Variants in PIGU observed in about 807,000 individuals in gnomAD.
The protein encoded by PIGU is GPI-anchor transamidase component PIGU.
In PIGU, 24 loss-of-function variants were observed where a neutral mutation model predicts 49.9. The ratio of observed to expected loss-of-function variants is 0.48; its 90% CI spans 0.35 to 0.68. The LOEUF (loss-of-function observed/expected upper bound fraction) is 0.68. PIGU is among the 30% of genes least tolerant of loss of function. The pLI is 0.01. For missense variants in PIGU, 490 were observed against 532.6 expected, an observed-to-expected ratio of 0.92 and a Z score of 0.79; for synonymous variants, 220 against 205.7, an observed-to-expected ratio of 1.07 and a Z score of -0.59.
At chr20:34,633,506 T>C (rs1985858204) in intron 6 of PIGU, among the ~76,000 whole-genome samples, 1 of 150,440 alleles carries the variant, frequency 6.6e-6, no homozygotes. Context: ...CAAGAAACCA[T>C]GGTGTAACTA....
chr20:34,663,523 T>A (rs6059971), intron 1 of PIGU, among the ~76,000 whole-genome samples: 8 of 152,154 alleles, frequency 5.3e-5, no homozygotes, highest in African/African-American at 1.7e-4. Flanking sequence ...GACCACTACA[T>A]ATTTGTAAGG....
chr20:34,578,585 C>T (rs190614331), intron 10 of PIGU, among the ~76,000 whole-genome samples: 149 of 152,312 alleles, frequency 9.8e-4, no homozygotes, highest in African/African-American at 3.0e-3. Context: ...TGCAAAGAGA[C>T]GAGAGAAGCT....
Position 34,581,659 on chromosome 20 carries a change from A to T in PIGU, c.940T>A (p.Phe314Ile), listed in dbSNP as rs772082138. 1 of 1,612,878 alleles carries T rather than the reference A, an allele frequency of 6.2e-7. No homozygotes were observed. ...ACAGCGATCTGGATAAACATGAAGAAGATGGGGTGCTCCCTGGGGCAGGGC... is the reference window on the plus strand; with the variant it reads ...ACAGCGATCTGGATAAACATGAAGATGATGGGGTGCTCCCTGGGGCAGGGC... ...LAIKLKEHPI[F>I]FMFIQIAVIA... The change falls in exon 10 of 12, where the codon TTC (phenylalanine) becomes ATC (isoleucine). Residue 314 changes from phenylalanine (F) to isoleucine (I), a missense_variant. Coordinates refer to ENST00000217446, the MANE Select transcript of PIGU (RefSeq NM_080476.5).
intron 6 of PIGU, among the ~76,000 whole-genome samples, chr20:34,632,638 T>C (rs1033013690): frequency 1.3e-5 from 2 of 152,262 alleles, no homozygotes. Context: ...GTGCTGGGAT[T>C]ACAGGTGTAA....
chr20:34,676,874 G>A (rs540484943), intron 1 of PIGU, 82 bp downstream of exon 1: 15 of 1,533,678 alleles, frequency 9.8e-6, no homozygotes, highest in Non-Finnish European at 2.6e-6. Context: ...GCGCGCTGGC[G>A]GTCACTGCCC....
chr20:34,656,990 A>T (rs1266833685), intron 2 of PIGU, among the ~76,000 whole-genome samples, 190 bp downstream of exon 2: 2 of 152,208 alleles, frequency 1.3e-5, no homozygotes, highest in African/African-American at 4.8e-5. Flanking sequence ...TTACAATCTT[A>T]ATCTGGATCA....
chr20:34,581,922 A>G (rs867600496), intron 9 of PIGU, among the ~76,000 whole-genome samples: 8 of 152,232 alleles, frequency 5.3e-5, no homozygotes, highest in Middle Eastern at 3.2e-3. Flanking sequence ...GACATTTCCC[A>G]TCAACAGTCC....
chr20:34,606,204 G>A (rs1157684960), intron 7 of PIGU, among the ~76,000 whole-genome samples: 6 of 147,036 alleles, frequency 4.1e-5, no homozygotes, highest in South Asian at 4.3e-4. Context: ...GCAGTGAGCC[G>A]AGATTGCACC....
chr20:34,660,835 C>T (rs963439478), intron 1 of PIGU, among the ~76,000 whole-genome samples: 8 of 152,230 alleles, frequency 5.3e-5, no homozygotes, highest in Non-Finnish European at 1.2e-4. Flanking sequence ...GGATATTGGA[C>T]TAGAAATGGA....
At chr20:34,630,019 G>A (rs1252613048) in intron 6 of PIGU, among the ~76,000 whole-genome samples, 1 of 152,128 alleles carries the variant, frequency 6.6e-6, no homozygotes, top group East Asian at 1.9e-4. Flanking sequence ...ATAAAAATCA[G>A]CCAACTCACC....
chr20:34,604,016 G>T (rs928058450), intron 7 of PIGU, among the ~76,000 whole-genome samples: 9 of 152,066 alleles, frequency 5.9e-5, no homozygotes, highest in African/African-American at 2.2e-4. Context: ...TCCTCAAAAG[G>T]AGCCAGAAAT....
chr20:34,619,246 C>T (rs1262184691), intron 6 of PIGU, among the ~76,000 whole-genome samples: 1 of 152,134 alleles, frequency 6.6e-6, no homozygotes, highest in Admixed American at 6.6e-5. Flanking sequence ...AGGATCACGC[C>T]CAGCTAAGCT....
chr20:34,668,225 G>A (rs1355847149), intron 1 of PIGU, among the ~76,000 whole-genome samples: 1 of 152,016 alleles, frequency 6.6e-6, no homozygotes, highest in African/African-American at 2.4e-5. Context: ...CATTTTGGGA[G>A]GTCGAGGCAG....
intron 1 of PIGU, among the ~76,000 whole-genome samples, chr20:34,669,237 G>T (rs1987227975): frequency 1.3e-5 from 2 of 152,084 alleles, no homozygotes; most frequent in African/African-American, 2.4e-5. Flanking sequence ...TTGTACCAAT[G>T]CTATCATCTT....
intron 10 of PIGU, among the ~76,000 whole-genome samples, chr20:34,576,198 G>C (rs1446772385): frequency 6.6e-6 from 1 of 151,938 alleles, no homozygotes; most frequent in Non-Finnish European, 1.5e-5. Context: ...AACATAGTGA[G>C]AGCCCATCTC....
intron 11 of PIGU, among the ~76,000 whole-genome samples, chr20:34,573,128 T>A (rs1190256366): frequency 6.6e-6 from 1 of 152,178 alleles, no homozygotes; most frequent in South Asian, 2.1e-4. Flanking sequence ...TGGGATCACA[T>A]GCATGAGCCA....
chr20:34,603,861 GACACACACACACAC>G (rs142929319), intron 7 of PIGU, among the ~76,000 whole-genome samples: 1 of 143,806 alleles, frequency 7.0e-6, no homozygotes, highest in Non-Finnish European at 1.5e-5. Flanking sequence ...TTAGTGGACA[GACACACACACACAC>G]ACACACACAC....
intron 1 of PIGU, among the ~76,000 whole-genome samples, chr20:34,660,034 C>T (rs1437517541): frequency 2.2e-5 from 3 of 138,078 alleles, no homozygotes; most frequent in African/African-American, 8.3e-5. Context: ...CGAGAAACAC[C>T]CAAGAATGAT....
In PIGU at chr20:34,616,081, T is replaced by G. The variant is rs766233022; in HGVS notation, c.588A>C (p.Pro196=). The change falls in exon 7 of 12, where the codon CCA becomes CCC. Residue 196 remains proline, a synonymous_variant. Transcript: ENST00000217446. ...GGAGTCCTGGGACAAACAAGGTGAGTGGGTACAGAGACTGGTATGTCGCTA... is the reference window on the plus strand; with the variant it reads ...GGAGTCCTGGGACAAACAAGGTGAGGGGGTACAGAGACTGGTATGTCGCTA... ...LALATYQSLY[P]LTLFVPGLLY... The G allele has an allele frequency of 1.9e-6, 3 of 1,612,488 alleles. No individual in the cohort carries two copies. The highest frequency in any genetic ancestry group is 2.5e-6 in the Non-Finnish European group (3 of 1,179,408).
Sources: allele counts gnomAD v4.1 joint callset (sites outside exome capture counted in the v4.1 genomes callset), GRCh38; gene constraint gnomAD v4.1.1; transcripts MANE v1.5; gene names NCBI Gene and HGNC (gene_info 2026-07-23, HGNC 2026-07-21).